The following DDHD1 variants were observed in gnomAD, a reference collection of about 807,000 sequenced individuals.
DDHD1 encodes the protein DDHD domain containing 1.
DDHD1 carries 49 observed loss-of-function variants against 96.4 expected under a neutral mutation model. The observed-to-expected ratio is 0.51, with a 90% CI of 0.40 to 0.64. The LOEUF (loss-of-function observed/expected upper bound fraction) is 0.64. DDHD1 is among the 30% of genes least tolerant of loss of function. The pLI is 0.00. For synonymous variants in DDHD1, 442 were observed against 446.5 expected, an observed-to-expected ratio of 0.99 and a Z score of 0.13; for missense variants, 1,106 against 1,161.2, an observed-to-expected ratio of 0.95 and a Z score of 0.69.
At chr14:53,102,147 A>G (rs148773258) in intron 2 of DDHD1, among the ~76,000 whole-genome samples, 1 of 152,224 alleles carries the variant, frequency 6.6e-6, no homozygotes, top group African/African-American at 2.4e-5. Context: ...TCCAATGGCA[A>G]TAAGATTATT....
At position 53,111,655 on chromosome 14, in the gene DDHD1, T is replaced by C. The variant is rs554386739; in HGVS notation, c.839-7799A>G. On this transcript the variant is annotated intron_variant, in intron 1 of 12. Transcript: ENST00000673822. Reference sequence around the variant, plus strand: ...TATTACCCCCCCCCAAAAAAATACATTAGACTCAGCAAATTAAGAATTTTT... The same window carrying C: ...TATTACCCCCCCCCAAAAAAATACACTAGACTCAGCAAATTAAGAATTTTT... Among the ~76,000 whole-genome samples the C allele has an allele frequency of 8.5e-5, 13 of 152,220 alleles. No individual in the cohort carries two copies. The South Asian group carries it at 2.7e-3, about 32-fold the overall frequency.
intron 6 of DDHD1, among the ~76,000 whole-genome samples, chr14:53,063,481 AT>A (rs980355361): frequency 6.6e-6 from 1 of 151,564 alleles, no homozygotes; most frequent in Non-Finnish European, 1.5e-5. Context: ...AGTTCCATAG[AT>A]TAAAAAAAAA....
At position 53,039,971 on chromosome 14, in the gene DDHD1, T is replaced by C. The variant is rs1881537365; in HGVS notation, c.*6797A>G. On this transcript the variant is annotated 3_prime_UTR_variant, in exon 13 of 13. Coordinates refer to ENST00000673822, the MANE Select transcript of DDHD1 (RefSeq NM_001160148.2). Reference sequence around the variant, plus strand: ...CCATCTCAATTCTACATGTAGTCCTTATAGCCTGGCCACGTATTTCTCATC... The same window carrying C: ...CCATCTCAATTCTACATGTAGTCCTCATAGCCTGGCCACGTATTTCTCATC... The C allele has an allele frequency of 6.6e-6, 1 of 152,244 alleles. No homozygotes were observed. Among genetic ancestry groups the C allele is most frequent in the Non-Finnish European group, 1.5e-5 (1 of 68,084 alleles). 9.4% of individuals were successfully genotyped at this position (152,244 alleles called of 1,614,324 possible). A position where few individuals can be genotyped will look rare whatever the true frequency, so the allele number is the denominator to read the frequency against.
At chr14:53,073,169 TAAAG>T (rs1884665899) in intron 5 of DDHD1, among the ~76,000 whole-genome samples, 1 of 152,066 alleles carries the variant, frequency 6.6e-6, no homozygotes, top group South Asian at 2.1e-4. Flanking sequence ...TAACTTTGTG[TAAAG>T]AAAGACACAT....
Position 53,037,480 on chromosome 14 carries a change from T to G in DDHD1, c.*9288A>C, listed in dbSNP as rs1881346653. On this transcript the variant is annotated 3_prime_UTR_variant, in exon 13 of 13. Coordinates refer to ENST00000673822, the MANE Select transcript of DDHD1 (RefSeq NM_001160148.2). The stretch of plus-strand genomic sequence containing the variant: ...AGATGGTATCTTATTGTGGTTTTGA[T>G]TTGCATTTCTCTGATGATTAGTGAT... 2 of 152,204 alleles carry G rather than the reference T, an allele frequency of 1.3e-5. No homozygotes were observed. Among genetic ancestry groups the G allele is most frequent in the African/African-American group, 4.8e-5 (2 of 41,448 alleles). 9.4% of individuals were successfully genotyped at this position (152,204 alleles called of 1,614,324 possible). A position where few individuals can be genotyped will look rare whatever the true frequency, so the allele number is the denominator to read the frequency against.
At chr14:53,058,223 A>C (rs1595095302) in intron 9 of DDHD1, among the ~76,000 whole-genome samples, 1 of 151,314 alleles carries the variant, frequency 6.6e-6, no homozygotes, top group African/African-American at 2.4e-5. Context: ...TCCAACCTCC[A>C]CCTCCCAGGT....
chr14:53,130,725 C>A (rs769696010), intron 1 of DDHD1, among the ~76,000 whole-genome samples: 1 of 152,194 alleles, frequency 6.6e-6, no homozygotes, highest in South Asian at 2.1e-4. Flanking sequence ...CGGGATTCCT[C>A]GTAAGCTGTT....
At chr14:53,115,176 A>T (rs1051141507) in intron 1 of DDHD1, among the ~76,000 whole-genome samples, 1 of 152,194 alleles carries the variant, frequency 6.6e-6, no homozygotes, top group Non-Finnish European at 1.5e-5. Flanking sequence ...AGATTAGAGA[A>T]AAAAAGAATG....
intron 1 of DDHD1, among the ~76,000 whole-genome samples, chr14:53,150,666 C>T (rs1046598557): frequency 1.3e-5 from 2 of 152,082 alleles, no homozygotes; most frequent in African/African-American, 2.4e-5. Context: ...CTTTCTGACT[C>T]CACTAAGTCT....
intron 1 of DDHD1, among the ~76,000 whole-genome samples, chr14:53,111,695 A>G (rs1888121452): frequency 6.6e-6 from 1 of 152,168 alleles, no homozygotes; most frequent in Non-Finnish European, 1.5e-5. Context: ...TTAATGCTTG[A>G]TATGTAATAT....
chr14:53,148,533 G>A (rs977660634), intron 1 of DDHD1, among the ~76,000 whole-genome samples: 12 of 151,588 alleles, frequency 7.9e-5, no homozygotes, highest in African/African-American at 2.2e-4. Flanking sequence ...GGCTGGTCTC[G>A]AACTCCTGAT....
chr14:53,054,462 T>G lies in DDHD1; in HGVS notation c.2413A>C (p.Ser805Arg). ...TVGTQTLPHS[S>R]SGFLDSAYFR... is the part of the protein sequence containing the mutation. ...CATGCAGAATCGAGGAAGCCAGAAC[T>G]GCTATGTGGAAGGGTCTGTGTCCCT... Residue 805 changes from serine (S) to arginine (R), a missense_variant, in exon 11 of 13, where the codon AGT (serine) becomes CGT (arginine). Around this residue, in one of 2 missense-constraint regions of DDHD1, gnomAD observed 650 missense variants for 758.8 expected, o/e 0.86. Transcript: ENST00000673822. The G allele has an allele frequency of 1.9e-6, 3 of 1,614,006 alleles. No individual in the cohort carries two copies. The highest frequency in any genetic ancestry group is 1.7e-6 in the Non-Finnish European group (2 of 1,179,926).
intron 2 of DDHD1, among the ~76,000 whole-genome samples, chr14:53,096,432 A>G (rs1360689702): frequency 6.6e-6 from 1 of 152,070 alleles, no homozygotes; most frequent in Non-Finnish European, 1.5e-5. Context: ...AAGGCAAATA[A>G]TATCTAAATT....
In DDHD1 at chr14:53,044,701, A is replaced by G. The variant is rs890315660; in HGVS notation, c.*2067T>C. 1.3e-5 allele frequency: 2 copies of G among 152,240 alleles called. No homozygotes were observed. The highest frequency in any genetic ancestry group is 2.9e-5 in the Non-Finnish European group (2 of 68,034). 9.4% of individuals were successfully genotyped at this position (152,240 alleles called of 1,614,324 possible). ...TATAGCAAGGGTTTCTTAGTGAGTC[A>G]CATACTTGGTCATGGAGCCTTGGAA... On this transcript the variant is annotated 3_prime_UTR_variant, in exon 13 of 13. Coordinates refer to ENST00000673822, the MANE Select transcript of DDHD1 (RefSeq NM_001160148.2).
At chr14:53,050,038 G>A (rs1335458961) in intron 12 of DDHD1, among the ~76,000 whole-genome samples, 1 of 152,126 alleles carries the variant, frequency 6.6e-6, no homozygotes, top group Non-Finnish European at 1.5e-5. Flanking sequence ...CTTGTCAACA[G>A]ACATATAATA....
At chr14:53,084,884 T>G (rs181854722) in intron 4 of DDHD1, among the ~76,000 whole-genome samples, 1 of 152,330 alleles carries the variant, frequency 6.6e-6, no homozygotes, top group East Asian at 1.9e-4. Flanking sequence ...AGGGAAGCCG[T>G]GACAGACTGT....
intron 7 of DDHD1, among the ~76,000 whole-genome samples, chr14:53,061,757 G>A (rs564595008): frequency 2.5e-4 from 38 of 152,218 alleles, no homozygotes; most frequent in African/African-American, 5.8e-4. Flanking sequence ...TAGTTGGCCA[G>A]GCGCAGTAGC....
chr14:53,049,805 G>A (rs1882380139), intron 12 of DDHD1, among the ~76,000 whole-genome samples: 1 of 152,086 alleles, frequency 6.6e-6, no homozygotes, highest in South Asian at 2.1e-4. Context: ...AAGAAACTGT[G>A]TTTTTAAACA....
At chr14:53,130,223 G>T (rs981070405) in intron 1 of DDHD1, among the ~76,000 whole-genome samples, 4 of 152,116 alleles carry the variant, frequency 2.6e-5, no homozygotes, top group Non-Finnish European at 5.9e-5. Flanking sequence ...TCCATGACTA[G>T]CCCTCCCCTA....
Sources: allele counts gnomAD v4.1 joint callset (sites outside exome capture counted in the v4.1 genomes callset), GRCh38; gene constraint gnomAD v4.1.1; regional missense constraint gnomAD v4.1.1; transcripts MANE v1.5; gene names NCBI Gene and HGNC (gene_info 2026-07-23, HGNC 2026-07-21).